Variants in CORIN observed in about 807,000 individuals in gnomAD.
CORIN encodes the protein corin, serine peptidase.
A neutral mutation model predicts 125.3 loss-of-function variants in CORIN; 117 were observed. The ratio of observed to expected loss-of-function variants is 0.93; its 90% CI spans 0.80 to 1.09. The LOEUF (loss-of-function observed/expected upper bound fraction) is 1.09. Among genes scored for constraint, CORIN ranks in the 50% least tolerant of loss-of-function variants. The pLI is 0.00. For synonymous variants in CORIN, 450 were observed against 466.4 expected (o/e 0.96, Z 0.45); for missense variants, 1,253 against 1,306.7 (o/e 0.96, Z 0.63).
intron 1 of CORIN, 74 bp downstream of exon 1, chr4:47,837,813 G>T: frequency 7.5e-7 from 1 of 1,337,602 alleles, no homozygotes; most frequent in Non-Finnish European, 1.1e-6. Flanking sequence ...GGCGGGAGGG[G>T]CTGACCCTGA....
At chr4:47,623,500 T>G (rs1722421526) in intron 19 of CORIN, 71 bp downstream of exon 19, 11 of 1,508,736 alleles carry the variant, frequency 7.3e-6, no homozygotes, top group Non-Finnish European at 9.1e-6. Flanking sequence ...GAGTTACATA[T>G]GCCACTGAGA....
chr4:47,694,959 C>T (rs1439937075), intron 5 of CORIN, among the ~76,000 whole-genome samples: 2 of 152,180 alleles, frequency 1.3e-5, no homozygotes, highest in Non-Finnish European at 2.9e-5. Context: ...TCTTATGATA[C>T]TACTTCATGT....
At position 47,603,513 on chromosome 4, in the gene CORIN, C is replaced by T. The variant is rs774909610; in HGVS notation, c.2696G>A (p.Ser899Asn). ...GTAGCCAGTCTCACTGATGTCTTCA[C>T]TCAGCTCAACGATGCTGATGTCATA... is the stretch of plus-strand genomic sequence containing the variant. ...VDYDISIVEL[S>N]EDISETGYVR... The change falls in exon 20 of 22, where the codon AGT (serine) becomes AAT (asparagine). Residue 899 changes from serine (S) to asparagine (N), a missense_variant. By Grantham distance (46) the Ser-to-Asn change is conservative (BLOSUM62 1). Coordinates refer to ENST00000273857, the MANE Select transcript of CORIN (RefSeq NM_006587.4). 6.2e-7 allele frequency: 1 copy of T among 1,614,198 alleles called. No homozygotes were observed. Among genetic ancestry groups the T allele is most frequent in the Non-Finnish European group, 8.5e-7 (1 of 1,180,034 alleles).
intron 5 of CORIN, 141 bp from the exon 6 acceptor site, chr4:47,693,224 A>G (rs1366073877): frequency 1.6e-6 from 1 of 634,736 alleles, no homozygotes; most frequent in Non-Finnish European, 2.7e-6. Flanking sequence ...ATTGTCATCA[A>G]TTTTTCTTTG....
intron 19 of CORIN, among the ~76,000 whole-genome samples, chr4:47,614,397 A>G (rs1426992911): frequency 4.6e-5 from 7 of 152,066 alleles, no homozygotes; most frequent in Non-Finnish European, 8.8e-5. Context: ...CGGTTTCACC[A>G]TATTTTATCC....
intron 5 of CORIN, among the ~76,000 whole-genome samples, chr4:47,731,508 C>T (rs546444336): frequency 6.6e-6 from 1 of 152,104 alleles, no homozygotes; most frequent in African/African-American, 2.4e-5. Context: ...GACTAAGTGG[C>T]CAAAGAAAGA....
At chr4:47,832,390 G>A (rs1432873926) in intron 1 of CORIN, among the ~76,000 whole-genome samples, 1 of 151,512 alleles carries the variant, frequency 6.6e-6, no homozygotes, top group African/African-American at 2.4e-5. Context: ...AGCAAATAGA[G>A]GTGCTTTACA....
chr4:47,610,758 TA>T (rs1721837341), intron 19 of CORIN, among the ~76,000 whole-genome samples: 1 of 152,206 alleles, frequency 6.6e-6, no homozygotes, highest in African/African-American at 2.4e-5. Context: ...CATCTTGAGT[TA>T]ATTTTTGTAT....
chr4:47,605,697 C>T (rs906166985), intron 19 of CORIN, among the ~76,000 whole-genome samples: 4 of 152,072 alleles, frequency 2.6e-5, no homozygotes, highest in African/African-American at 9.7e-5. Context: ...CTCTGGGAGC[C>T]TTTAAAATAG....
chr4:47,789,130 T>C (rs1354804237), intron 2 of CORIN, among the ~76,000 whole-genome samples: 1 of 151,760 alleles, frequency 6.6e-6, no homozygotes, highest in African/African-American at 2.4e-5. Flanking sequence ...TGAAACCCCG[T>C]CTCTACTAAA....
chr4:47,613,192 C>T (rs910773718), intron 19 of CORIN, among the ~76,000 whole-genome samples: 7 of 152,204 alleles, frequency 4.6e-5, no homozygotes, highest in Non-Finnish European at 1.0e-4. Context: ...CAGTGGCTTA[C>T]ACCTGTAATC....
At chr4:47,725,232 A>C (rs1186646268) in intron 5 of CORIN, among the ~76,000 whole-genome samples, 1 of 152,154 alleles carries the variant, frequency 6.6e-6, no homozygotes, top group Non-Finnish European at 1.5e-5. Flanking sequence ...AATCCAATCA[A>C]GATTTTTGGA....
intron 2 of CORIN, among the ~76,000 whole-genome samples, chr4:47,802,070 G>T (rs558819506): frequency 4.9e-4 from 74 of 152,332 alleles, no homozygotes; most frequent in African/African-American, 1.8e-3. Context: ...CAGAGACCTG[G>T]CAGGAGTCAG....
chr4:47,687,757 A>C (rs1164647383), intron 6 of CORIN, among the ~76,000 whole-genome samples: 2 of 152,196 alleles, frequency 1.3e-5, no homozygotes, highest in Non-Finnish European at 2.9e-5. Context: ...AGGTTATTTC[A>C]TCCAATCCTC....
At chr4:47,726,160 G>T (rs773706576) in intron 5 of CORIN, among the ~76,000 whole-genome samples, 1 of 151,948 alleles carries the variant, frequency 6.6e-6, no homozygotes, top group African/African-American at 2.4e-5. Flanking sequence ...GTTATTGATG[G>T]GTATGCAAAA....
At chr4:47,736,745 T>C (rs1435335692) in intron 5 of CORIN, among the ~76,000 whole-genome samples, 1 of 152,238 alleles carries the variant, frequency 6.6e-6, no homozygotes, top group Non-Finnish European at 1.5e-5. Flanking sequence ...AATCTGTGTA[T>C]GCCTTGTCCT....
chr4:47,677,678 C>A (rs1725086270), intron 9 of CORIN, among the ~76,000 whole-genome samples: 1 of 152,102 alleles, frequency 6.6e-6, no homozygotes, highest in African/African-American at 2.4e-5. Flanking sequence ...CACGGCTTTC[C>A]CCATCGAACA....
intron 2 of CORIN, among the ~76,000 whole-genome samples, chr4:47,788,493 A>G (rs1013880224): frequency 2.0e-5 from 3 of 152,220 alleles, no homozygotes; most frequent in African/African-American, 7.2e-5. Context: ...GTAAAAGTCA[A>G]ATGCAGTAGG....
chr4:47,718,409 A>G (rs1409689641), intron 5 of CORIN, among the ~76,000 whole-genome samples: 1 of 152,224 alleles, frequency 6.6e-6, no homozygotes, highest in Non-Finnish European at 1.5e-5. Context: ...CTGTAAAATA[A>G]GGATAATAAT....
Sources: allele counts gnomAD v4.1 joint callset (sites outside exome capture counted in the v4.1 genomes callset), GRCh38; gene constraint gnomAD v4.1.1; transcripts MANE v1.5; gene names NCBI Gene and HGNC (gene_info 2026-07-23, HGNC 2026-07-21).